CSMD1: variants seen among roughly 807,000 people sequenced by gnomAD.
CSMD1 encodes CUB and Sushi multiple domains 1.
CSMD1 carries 213 observed loss-of-function variants against 417.5 expected under a neutral mutation model. The observed-to-expected ratio is 0.51, with a 90% confidence interval of 0.46 to 0.57. The LOEUF (loss-of-function observed/expected upper bound fraction) is 0.57. Ranked by LOEUF, CSMD1 falls within the 20% of genes least tolerant of loss-of-function variation. The pLI is 0.00. For missense variants in CSMD1, 6,923 were observed against 4,529.7 expected, an observed-to-expected ratio of 1.53 and a Z score of -15.17; for synonymous variants, 2,862 against 1,736.8, an observed-to-expected ratio of 1.65 and a Z score of -16.11.
At chr8:3,128,660 T>A (rs1174982866) in intron 41 of CSMD1, 2 of 322,246 alleles carry the variant, frequency 6.2e-6, no homozygotes, top group African/African-American at 4.3e-5. Context: ...TCTAATTAAG[T>A]GTCACCTCTG....
intron 10 of CSMD1, among the ~76,000 whole-genome samples, chr8:3,513,127 A>AC (rs1554449663): frequency 6.6e-6 from 1 of 150,876 alleles, no homozygotes; most frequent in Non-Finnish European, 1.5e-5. Context: ...TATTATTATT[A>AC]TTTTTTTTTA....
intron 26 of CSMD1, among the ~76,000 whole-genome samples, chr8:3,249,149 C>G (rs111431918): frequency 1.1e-4 from 17 of 152,146 alleles, no homozygotes; most frequent in East Asian, 3.9e-4. Context: ...TAAATAGTAA[C>G]TATTATAAGC....
chr8:3,255,801 C>G (rs774718986), intron 26 of CSMD1, among the ~76,000 whole-genome samples: 2 of 152,178 alleles, frequency 1.3e-5, no homozygotes, highest in Non-Finnish European at 2.9e-5. Flanking sequence ...AATTCCCTGA[C>G]CTCTTGTGCT....
In CSMD1 at chr8:4,257,913, C is replaced by T. The variant is rs774838575; in HGVS notation, c.415+162040G>A. Among the ~76,000 whole-genome samples the T allele has an allele frequency of 2.6e-5, 4 of 152,296 alleles. No homozygotes were observed. The Middle Eastern group carries it at 0.01, about 389-fold the overall frequency. On this transcript the variant is annotated intron_variant, in intron 3 of 69. Transcript: ENST00000635120. ...TTGTGACCAGGCTAACAACAACAACCACCACTTTAAAAATAATAGCCTTTT... is the reference window on the plus strand; with the variant it reads ...TTGTGACCAGGCTAACAACAACAACTACCACTTTAAAAATAATAGCCTTTT...
chr8:4,148,282 A>C (rs1796382123), intron 3 of CSMD1, among the ~76,000 whole-genome samples: 1 of 148,480 alleles, frequency 6.7e-6, no homozygotes, highest in East Asian at 2.1e-4. Flanking sequence ...AAAACCAAAC[A>C]CCACATGTTC....
rs936008519 is a variant in CSMD1 at position 4,878,098 on chromosome 8, G to A, written c.85+116234C>T. 4.6e-5 allele frequency among the ~76,000 whole-genome samples: 7 copies of A among 152,108 alleles called. 1 individual carries two copies. Among genetic ancestry groups the A allele is most frequent in the African/African-American group, 1.7e-4 (7 of 41,368 alleles). On this transcript the variant is annotated intron_variant, in intron 1 of 69. Transcript: ENST00000635120. ...ATGCCATTGTCTGAGTATGTGACCA[G>A]TAACCCTCAGCGTGTTCTGTTTTGG...
intron 1 of CSMD1, among the ~76,000 whole-genome samples, chr8:4,911,509 C>T (rs897867002): frequency 6.6e-6 from 1 of 152,070 alleles, no homozygotes; most frequent in African/African-American, 2.4e-5. Flanking sequence ...CATTAACATT[C>T]CTTAATAATT....
At chr8:3,005,265 A>G (rs1262778431) in intron 52 of CSMD1, among the ~76,000 whole-genome samples, 1 of 152,210 alleles carries the variant, frequency 6.6e-6, no homozygotes, top group Non-Finnish European at 1.5e-5. Flanking sequence ...AGTTACAAAG[A>G]GTTTCCGTAC....
chr8:3,673,568 G>C (rs79607274), intron 7 of CSMD1, among the ~76,000 whole-genome samples: 4,381 of 152,254 alleles, frequency 0.029, 229 homozygotes, highest in African/African-American at 0.099. Context: ...TACCCTCTCA[G>C]TATGCACATA....
At chr8:4,475,859 T>C (rs1395033587) in intron 2 of CSMD1, among the ~76,000 whole-genome samples, 1 of 152,136 alleles carries the variant, frequency 6.6e-6, no homozygotes, top group Admixed American at 6.5e-5. Context: ...GTGATCCACC[T>C]GCCTTACGCT....
At chr8:4,226,291 T>C (rs1346326390) in intron 3 of CSMD1, among the ~76,000 whole-genome samples, 3 of 152,186 alleles carry the variant, frequency 2.0e-5, no homozygotes, top group Non-Finnish European at 1.5e-5. Flanking sequence ...TTGGATAAAA[T>C]AGTTGTTGAC....
intron 1 of CSMD1, among the ~76,000 whole-genome samples, chr8:4,943,111 T>C (rs1002510213): frequency 6.6e-6 from 1 of 152,194 alleles, no homozygotes; most frequent in African/African-American, 2.4e-5. Context: ...ATTTTACAAT[T>C]TGAAGGAATT....
intron 1 of CSMD1, among the ~76,000 whole-genome samples, chr8:4,714,283 C>T (rs1338529448): frequency 6.6e-6 from 1 of 152,136 alleles, no homozygotes; most frequent in Middle Eastern, 3.2e-3. Context: ...AAACAGATGC[C>T]ATCTTTTTTC....
intron 5 of CSMD1, among the ~76,000 whole-genome samples, chr8:3,828,057 A>T (rs1269074511): frequency 1.3e-5 from 2 of 152,224 alleles, no homozygotes; most frequent in African/African-American, 2.4e-5. Flanking sequence ...CACTTCAATG[A>T]GCAAAAAGTT....
intron 1 of CSMD1, among the ~76,000 whole-genome samples, chr8:4,762,679 A>C (rs1478687348): frequency 1.3e-5 from 2 of 152,112 alleles, no homozygotes; most frequent in Non-Finnish European, 2.9e-5. Flanking sequence ...CTCTATCAAT[A>C]AGGTCATTAT....
intron 7 of CSMD1, among the ~76,000 whole-genome samples, chr8:3,698,505 T>G (rs972184343): frequency 2.0e-5 from 3 of 152,236 alleles, no homozygotes; most frequent in Middle Eastern, 3.2e-3. Flanking sequence ...CAGCACTTAG[T>G]GCTAGAAATC....
At chr8:4,895,651 A>C (rs892778750) in intron 1 of CSMD1, among the ~76,000 whole-genome samples, 1 of 151,162 alleles carries the variant, frequency 6.6e-6, no homozygotes, top group African/African-American at 2.4e-5. Context: ...TGGTCTGATG[A>C]GGCTCCTTTT....
At chr8:4,235,120 T>A (rs1053946907) in intron 3 of CSMD1, among the ~76,000 whole-genome samples, 31 of 152,092 alleles carry the variant, frequency 2.0e-4, no homozygotes, top group African/African-American at 7.2e-4. Flanking sequence ...GTTGCTTTAA[T>A]CCTAGAAAAA....
At chr8:3,941,799 C>G (rs898123972) in intron 5 of CSMD1, among the ~76,000 whole-genome samples, 1 of 152,094 alleles carries the variant, frequency 6.6e-6, no homozygotes, top group African/African-American at 2.4e-5. Context: ...CCTCTGTTCC[C>G]TCATACGCAA....
Sources: gnomAD v4.1 joint callset for allele counts (sites outside exome capture counted in the v4.1 genomes callset) on GRCh38, gnomAD v4.1.1 for gene constraint, MANE v1.5 for transcripts, NCBI Gene and HGNC (gene_info 2026-07-23, HGNC 2026-07-21) for gene names.